The following SLC23A2 variants were observed in gnomAD, a reference collection of about 807,000 sequenced individuals.
SLC23A2 encodes solute carrier family 23 member 2.
A neutral mutation model predicts 73.3 loss-of-function variants in SLC23A2; 36 were observed. The observed-to-expected ratio is 0.49, with a 90% CI of 0.38 to 0.65. The LOEUF (loss-of-function observed/expected upper bound fraction) is 0.65, where lower values mean the gene tolerates loss of function less well. Among genes scored for constraint, SLC23A2 ranks in the 30% least tolerant of loss-of-function variants. The probability of loss-of-function intolerance (pLI) is 0.00; values close to 1 mark genes in which losing one functional copy is unlikely to be tolerated. For missense variants in SLC23A2, 507 were observed against 841.6 expected (o/e 0.60, Z 4.92); for synonymous variants, 343 against 327.3 (o/e 1.05, Z -0.52).
chr20:4,975,266 C>A (rs191024199), intron 1 of SLC23A2, among the ~76,000 whole-genome samples: 13 of 152,162 alleles, frequency 8.5e-5, no homozygotes, highest in African/African-American at 3.1e-4. Context: ...GACAAACTGA[C>A]AAAGCACAAC....
rs751956193 is a variant in SLC23A2, at chr20:4,902,597, G to A, written c.208-39C>T. ...GGAGAAAAGAAGGTGCTCATTAAAC[G>A]TGAAGACCAGTGTTAGCTCGGCCAT... On this transcript the variant is annotated intron_variant, in intron 4 of 16. Transcript: ENST00000338244. The surrounding 1 kb of genome is among the most constrained non-coding windows in gnomAD (Gnocchi z 4.0). 6.0e-6 allele frequency: 7 copies of A among 1,165,154 alleles called. No individual in the cohort carries two copies. The highest frequency in any genetic ancestry group is 2.6e-5 in the South Asian group (2 of 76,982). The allele number at this position is 1,165,154 out of a possible 1,614,324, so 72.2% of individuals were successfully genotyped here.
chr20:4,952,070 C>T (rs2087210957), intron 2 of SLC23A2, among the ~76,000 whole-genome samples: 1 of 136,386 alleles, frequency 7.3e-6, no homozygotes, highest in African/African-American at 2.7e-5. Flanking sequence ...CACCACCACA[C>T]TCCAGCCTGG....
intron 1 of SLC23A2, among the ~76,000 whole-genome samples, chr20:4,975,401 G>T (rs1472239351): frequency 6.6e-6 from 1 of 152,094 alleles, no homozygotes; most frequent in Non-Finnish European, 1.5e-5. Context: ...TATTTTTTGA[G>T]ACAGAGTTTC....
intron 4 of SLC23A2, among the ~76,000 whole-genome samples, chr20:4,904,695 C>T (rs1931873765): frequency 1.3e-5 from 2 of 152,208 alleles, no homozygotes; most frequent in African/African-American, 4.8e-5. Flanking sequence ...CAAAGTATTT[C>T]ATAACAAAGA....
intron 9 of SLC23A2, among the ~76,000 whole-genome samples, chr20:4,878,143 C>T (rs148440970): frequency 3.1e-4 from 47 of 152,294 alleles, no homozygotes; most frequent in Admixed American, 5.9e-4. Context: ...GAACTCTTTA[C>T]GAGTTAGGGA....
intron 6 of SLC23A2, among the ~76,000 whole-genome samples, chr20:4,893,756 C>T (rs145353721): frequency 3.3e-4 from 51 of 152,344 alleles, no homozygotes; most frequent in African/African-American, 1.1e-3. Flanking sequence ...GTGCCTACAG[C>T]AGGCCTGAGA....
In SLC23A2 at chr20:4,951,143, G is replaced by T. The variant is rs191480214; in HGVS notation, c.-154-18427C>A. Among the ~76,000 whole-genome samples, 21 of 152,240 alleles carry T rather than the reference G, an allele frequency of 1.4e-4. No homozygotes were observed. In the East Asian group the frequency reaches 3.1e-3, roughly 22 times the overall value. ...CTAACATCAGAGAAGATTTGTTGCA[G>T]GAGCCAAAAGAAAATTTAAAACAAA... On this transcript the variant is annotated intron_variant, in intron 2 of 16. Transcript: ENST00000338244.
At chr20:4,879,408 C>CAAA (rs111565515) in intron 9 of SLC23A2, among the ~76,000 whole-genome samples, 852 of 42,970 alleles carry the variant, frequency 0.02, 80 homozygotes, top group Non-Finnish European at 0.025. Flanking sequence ...AACTCTGTCT[C>CAAA]AAAAAAAAAA....
chr20:4,999,954 C>T (rs888613284), intron 1 of SLC23A2, among the ~76,000 whole-genome samples: 2 of 152,160 alleles, frequency 1.3e-5, no homozygotes, highest in East Asian at 1.9e-4. Context: ...AAGCAGATAC[C>T]TCATGCTCAG....
rs201928924 is a variant in SLC23A2, at chr20:4,902,563, G to C, written c.208-5C>G. On this transcript the variant is annotated splice_region_variant and splice_polypyrimidine_tract_variant and intron_variant, in intron 4 of 16. Transcript: ENST00000338244. This position sits in a 1 kb window ranked among gnomAD's most constrained non-coding sequence, Gnocchi z 4.0. ...CAGGGTCTCAGCGAGAGAGCTCTGC[G>C]AGCCAGAAGGAGAAAAGAAGGTGCT... The C allele has an allele frequency of 6.5e-7, 1 of 1,538,724 alleles. No homozygotes were observed. The highest frequency in any genetic ancestry group is 1.8e-5 in the Admixed American group (1 of 57,024).
intron 2 of SLC23A2, among the ~76,000 whole-genome samples, chr20:4,948,784 C>T (rs1439975237): frequency 2.0e-5 from 3 of 152,174 alleles, no homozygotes; most frequent in Non-Finnish European, 4.4e-5. Flanking sequence ...ACAGAGACTG[C>T]AATCACTTAG....
chr20:4,857,067 G>T lies in SLC23A2; in HGVS notation c.1858C>A (p.Pro620Thr). ...TAGCCCACAAAGGTTGGGCTGATGG[G>T]TAAGTAGCTGAAGCATCTGTATTTT... ...IKKYRCFSYLPISPTFVGYTW... is the reference protein window; with the variant it reads ...IKKYRCFSYLTISPTFVGYTW... Residue 620 changes from proline to threonine, a missense_variant, in exon 17 of 17, where the codon CCC becomes ACC. This residue lies in a region of SLC23A2 where 168 missense variants were observed against 302.3 expected (regional missense o/e 0.56). Coordinates refer to ENST00000338244, the MANE Select transcript of SLC23A2 (RefSeq NM_005116.6). This position sits in a 1 kb window ranked among gnomAD's most constrained non-coding sequence, Gnocchi z 4.0. 6.2e-7 allele frequency: 1 copy of T among 1,614,014 alleles called. No individual in the cohort carries two copies. Among genetic ancestry groups the T allele is most frequent in the Non-Finnish European group, 8.5e-7 (1 of 1,179,874 alleles).
At chr20:4,893,885 T>C (rs1931423567) in intron 6 of SLC23A2, among the ~76,000 whole-genome samples, 1 of 152,046 alleles carries the variant, frequency 6.6e-6, no homozygotes, top group African/African-American at 2.4e-5. Context: ...ACAGATGCCG[T>C]AAGACTCTCC....
At chr20:4,991,443 G>A (rs2087920910) in intron 1 of SLC23A2, among the ~76,000 whole-genome samples, 1 of 152,114 alleles carries the variant, frequency 6.6e-6, no homozygotes, top group South Asian at 2.1e-4. Context: ...TAAGTAATCA[G>A]CCAGGCATGG....
chr20:4,898,105 G>A (rs974267788), intron 6 of SLC23A2, among the ~76,000 whole-genome samples: 2 of 152,186 alleles, frequency 1.3e-5, no homozygotes, highest in South Asian at 4.1e-4. Context: ...AGCCCTTCTT[G>A]GAAGGCCCAG....
chr20:4,917,068 G>A (rs986113160), intron 3 of SLC23A2, among the ~76,000 whole-genome samples: 8 of 152,162 alleles, frequency 5.3e-5, no homozygotes, highest in Non-Finnish European at 1.2e-4. Context: ...TGTATCCCAG[G>A]CAATGAGAAT....
chr20:4,931,298 T>G (rs899871928), intron 3 of SLC23A2, among the ~76,000 whole-genome samples: 3 of 152,036 alleles, frequency 2.0e-5, no homozygotes, highest in African/African-American at 7.2e-5. Context: ...TGAGTCTTAA[T>G]TGTGCCACTG....
intron 1 of SLC23A2, among the ~76,000 whole-genome samples, chr20:4,986,505 G>C (rs1227317115): frequency 6.6e-6 from 1 of 151,956 alleles, no homozygotes; most frequent in Non-Finnish European, 1.5e-5. Context: ...GTAGAGATAG[G>C]GTTTCACCAT....
At chr20:4,962,328 G>C (rs1030481026) in intron 2 of SLC23A2, among the ~76,000 whole-genome samples, 1 of 152,058 alleles carries the variant, frequency 6.6e-6, no homozygotes, top group African/African-American at 2.4e-5. Flanking sequence ...AGAGGGAGGA[G>C]ACCATGTTAG....
Sources: allele counts gnomAD v4.1 joint callset (sites outside exome capture counted in the v4.1 genomes callset), GRCh38; gene constraint gnomAD v4.1.1; regional missense constraint gnomAD v4.1.1; non-coding constraint Gnocchi (gnomAD v3.1); transcripts MANE v1.5; gene names NCBI Gene and HGNC (gene_info 2026-07-23, HGNC 2026-07-21).